Variants in NOTCH2 observed in about 807,000 individuals in gnomAD.
NOTCH2 encodes the protein neurogenic locus notch homolog protein 2.
Under a neutral mutation model 235.8 loss-of-function variants are expected in NOTCH2, and 29 were observed. The ratio of observed to expected loss-of-function variants is 0.12; its 90% CI spans 0.09 to 0.17. The LOEUF (loss-of-function observed/expected upper bound fraction) is 0.17. NOTCH2 is among the 10% of genes least tolerant of loss of function. NOTCH2 has a pLI of 1.00. For missense variants in NOTCH2, 2,285 were observed against 3,150.2 expected (o/e 0.73, Z 6.57); for synonymous variants, 1,086 against 1,141.5 (o/e 0.95, Z 0.98).
At chr1:120,055,817 T>A (rs1368686391) in intron 1 of NOTCH2, among the ~76,000 whole-genome samples, 1 of 151,176 alleles carries the variant, frequency 6.6e-6, no homozygotes, top group Admixed American at 6.6e-5. Context: ...TCTGAGAAAG[T>A]AACTCCACCA....
At chr1:120,023,369 G>A (rs1377785206) in intron 2 of NOTCH2, among the ~76,000 whole-genome samples, 2 of 150,866 alleles carry the variant, frequency 1.3e-5, no homozygotes, top group African/African-American at 2.4e-5. Flanking sequence ...CCCGGGAGGC[G>A]GAGCTTACAG....
rs1229750881 is a variant in NOTCH2 at position 119,968,001 on chromosome 1, T to A, written c.1264+76A>T. On this transcript the variant is annotated intron_variant, in intron 7 of 33. Coordinates refer to ENST00000256646, the MANE Select transcript of NOTCH2 (RefSeq NM_024408.4). ...GGGTGTATGTAATTTGCTTCTACAG[T>A]AAAATGTGCTTCAGTTTAAACATTT... 3.9e-6 allele frequency: 6 copies of A among 1,556,194 alleles called. No individual in the cohort carries two copies. The African/African-American group carries it at 8.1e-5, about 21-fold the overall frequency.
chr1:119,974,060 T>C (rs587752271), intron 5 of NOTCH2, among the ~76,000 whole-genome samples: 2 of 152,324 alleles, frequency 1.3e-5, no homozygotes, highest in African/African-American at 2.4e-5. Flanking sequence ...AATGACTTTA[T>C]GTTAGTAGGG....
intron 6 of NOTCH2, 80 bp downstream of exon 6, chr1:119,969,431 G>C (rs587600889): frequency 8.5e-7 from 1 of 1,178,374 alleles, no homozygotes; most frequent in East Asian, 2.5e-5. Flanking sequence ...AGAATATGCT[G>C]TTTGGGATGA....
At chr1:119,918,256 G>A (rs1649156485) in intron 32 of NOTCH2, 150 bp downstream of exon 32, 1 of 909,224 alleles carries the variant, frequency 1.1e-6, no homozygotes, top group South Asian at 1.4e-5. Flanking sequence ...TCTGAGCTCA[G>A]CATGTTAAAT....
intron 12 of NOTCH2, among the ~76,000 whole-genome samples, chr1:119,958,571 A>AC (rs1304591595): frequency 2.0e-5 from 3 of 152,210 alleles, no homozygotes; most frequent in Non-Finnish European, 4.4e-5. Flanking sequence ...AACAGAATGT[A>AC]CAGTGTGTGC....
At chr1:119,981,971 T>G (rs1486427027) in intron 5 of NOTCH2, among the ~76,000 whole-genome samples, 1 of 148,730 alleles carries the variant, frequency 6.7e-6, no homozygotes, top group African/African-American at 2.5e-5. Flanking sequence ...AAAATGGTTG[T>G]GAGAAAAGCC....
At chr1:120,038,921 T>C (rs1654428000) in intron 1 of NOTCH2, among the ~76,000 whole-genome samples, 1 of 152,034 alleles carries the variant, frequency 6.6e-6, no homozygotes, top group Non-Finnish European at 1.5e-5. Flanking sequence ...CCATGTGTAT[T>C]ATGGTAAAAA....
rs1240181696 is a variant in NOTCH2 at position 119,978,869 on chromosome 1, C to T, written c.874+8091G>A. 2.6e-5 allele frequency among the ~76,000 whole-genome samples: 4 copies of T among 152,172 alleles called. No homozygotes were observed. In the East Asian group the frequency reaches 7.7e-4, roughly 29 times the overall value. On this transcript the variant is annotated intron_variant, in intron 5 of 33. Transcript: ENST00000256646. ...TCCCCTGTCTATGGGCAGGCAGTTA[C>T]TCTGCTCAGAATGAGTAAAATGGAA...
Position 119,916,403 on chromosome 1 carries a change from T to C in NOTCH2, c.6319A>G (p.Ser2107Gly), listed in dbSNP as rs1359272037. The change falls in exon 34 of 34, where the codon AGT (serine) becomes GGT (glycine). Residue 2107 changes from serine (S) to glycine (G), a missense_variant. Ser to Gly is a moderately conservative substitution (Grantham distance 56). Coordinates refer to ENST00000256646, the MANE Select transcript of NOTCH2 (RefSeq NM_024408.4). ...CTAGTAGGCATGGTACTCTTGGCACTGGGCCGTCTAGACTTCTTGCCCATT... is the reference window on the plus strand; with the variant it reads ...CTAGTAGGCATGGTACTCTTGGCACCGGGCCGTCTAGACTTCTTGCCCATT... ...TPMGKKSRRPSAKSTMPTSLP... is the reference protein window; with the variant it reads ...TPMGKKSRRPGAKSTMPTSLP... 1 of 1,614,198 alleles carries C rather than the reference T, an allele frequency of 6.2e-7. No homozygotes were observed. Among genetic ancestry groups the C allele is most frequent in the South Asian group, 1.1e-5 (1 of 91,090 alleles).
At chr1:119,973,591 A>G (rs1476104323) in intron 5 of NOTCH2, among the ~76,000 whole-genome samples, 2 of 152,228 alleles carry the variant, frequency 1.3e-5, no homozygotes, top group Non-Finnish European at 2.9e-5. Flanking sequence ...TGTGATCAAC[A>G]CAATCTACAG....
At chr1:120,003,228 C>G (rs1652836366) in intron 3 of NOTCH2, among the ~76,000 whole-genome samples, 1 of 152,110 alleles carries the variant, frequency 6.6e-6, no homozygotes, top group South Asian at 2.1e-4. Context: ...TTCCTGCCCT[C>G]AAATATCGAA....
chr1:119,932,588 A>AAAAC (rs1233225332), intron 22 of NOTCH2, among the ~76,000 whole-genome samples: 3 of 147,580 alleles, frequency 2.0e-5, no homozygotes, highest in East Asian at 2.0e-4. Context: ...ACTCCATCTC[A>AAAAC]AAACAAACAA....
intron 1 of NOTCH2, among the ~76,000 whole-genome samples, chr1:120,041,071 A>AAAATAT (rs1557859547): frequency 5.2e-5 from 4 of 77,330 alleles, no homozygotes; most frequent in Non-Finnish European, 8.0e-5. Context: ...AAAAAAAAAA[A>AAAATAT]ATATATATAT....
intron 22 of NOTCH2, 66 bp from the exon 23 acceptor site, chr1:119,929,278 A>G (rs1649574626): frequency 1.5e-6 from 2 of 1,320,248 alleles, no homozygotes; most frequent in Non-Finnish European, 2.2e-6. Context: ...GCAAGGGATA[A>G]CCACCCTTGT....
intron 1 of NOTCH2, 185 bp downstream of exon 1, chr1:120,069,149 T>C (rs1196104065): frequency 7.9e-6 from 12 of 1,526,084 alleles, no homozygotes; most frequent in Middle Eastern, 1.8e-4. Context: ...ACCCCGGCGG[T>C]TGGCGGGGCA....
chr1:119,963,698 G>A lies in NOTCH2; in HGVS notation c.1791C>T (p.Pro597=), dbSNP rs781999109. The change falls in exon 11 of 34, where the codon CCC becomes CCT. Residue 597 remains proline (P), a synonymous_variant. Transcript: ENST00000256646. ...GIDSYTCICN[P]GYMGAICSDQ... is the part of the protein sequence containing the mutation. ...CACTGCAGATGGCGCCCATGTACCC[G>A]GGATTGCAGATGCAGGTGTAGGAAT... 5.0e-5 allele frequency: 81 copies of A among 1,613,984 alleles called. 2 individuals carry two copies. In the South Asian group the frequency reaches 6.9e-4, roughly 14 times the overall value.
At position 119,997,113 on chromosome 1, in the gene NOTCH2, C is replaced by A; in HGVS notation, c.635G>T (p.Gly212Val). 1 of 1,614,022 alleles carries A rather than the reference C, an allele frequency of 6.2e-7. No homozygotes were observed. The highest frequency in any genetic ancestry group is 1.7e-5 in the Admixed American group (1 of 60,026). Reference sequence around the variant, plus strand: ...GCTGTCACAGTACTGGCCTGTGAAGCCCTGAGGGCACTGGCACTGGTAGGA... The same window carrying A: ...GCTGTCACAGTACTGGCCTGTGAAGACCTGAGGGCACTGGCACTGGTAGGA... ...PGSYQCQCPQ[G>V]FTGQYCDSLY... Residue 212 changes from glycine to valine, a missense_variant, in exon 4 of 34, where the codon GGC (glycine) becomes GTC (valine). By Grantham distance (109) the Gly-to-Val change is moderately radical. Transcript: ENST00000256646.
chr1:119,921,496 AAG>A (rs1649283417), intron 29 of NOTCH2, among the ~76,000 whole-genome samples: 1 of 152,190 alleles, frequency 6.6e-6, no homozygotes, highest in Admixed American at 6.5e-5. Context: ...AGTATTTTTA[AAG>A]AGTTATTCTT....
Sources: allele counts gnomAD v4.1 joint callset (sites outside exome capture counted in the v4.1 genomes callset), GRCh38; gene constraint gnomAD v4.1.1; transcripts MANE v1.5; gene names NCBI Gene and HGNC (gene_info 2026-07-23, HGNC 2026-07-21).